The following KCNIP4 variants were observed in gnomAD, a reference collection of about 807,000 sequenced individuals.
KCNIP4 encodes the protein Kv channel-interacting protein 4.
Under a neutral mutation model 34.0 loss-of-function variants are expected in KCNIP4, and 12 were observed. The observed-to-expected ratio is 0.35, with a 90% CI of 0.23 to 0.57. KCNIP4 has a LOEUF of 0.57. KCNIP4 is among the 20% of genes least tolerant of loss of function. KCNIP4 has a pLI of 0.83. For synonymous variants in KCNIP4, 124 were observed against 102.2 expected (o/e 1.21, Z -1.29); for missense variants, 238 against 311.7 (o/e 0.76, Z 1.78).
intron 1 of KCNIP4, among the ~76,000 whole-genome samples, chr4:20,990,517 A>T (rs1039792853): frequency 1.3e-5 from 2 of 152,202 alleles, no homozygotes; most frequent in East Asian, 3.8e-4. Flanking sequence ...CTTCCATCCT[A>T]AGACACTTCC....
At chr4:21,517,137 CATAG>C (rs999145247) in intron 1 of KCNIP4, among the ~76,000 whole-genome samples, 2 of 152,078 alleles carry the variant, frequency 1.3e-5, no homozygotes, top group African/African-American at 4.8e-5. Flanking sequence ...AAAAGTCTAA[CATAG>C]ATAAAGGGGT....
intron 1 of KCNIP4, among the ~76,000 whole-genome samples, chr4:21,179,482 G>A (rs778352869): frequency 2.0e-5 from 3 of 152,148 alleles, no homozygotes; most frequent in Non-Finnish European, 4.4e-5. Context: ...AACAATATAG[G>A]TTAGCTAAAT....
Position 20,752,055 on chromosome 4 carries a change from G to GTTTTTTTTTT in KCNIP4, c.359-2333_359-2324dup, listed in dbSNP as rs33912651. Among the ~76,000 whole-genome samples, 8 of 121,666 alleles carry GTTTTTTTTTT rather than the reference G, an allele frequency of 6.6e-5. 1 individual carries two copies. In the East Asian group the frequency reaches 1.2e-3, roughly 18 times the overall value. 79.8% of individuals were successfully genotyped at this position (121,666 alleles called of 152,430 possible). ...ACAATATCAGTATGTACTTCATAGA[G>GTTTTTTTTTT]TTTTTTTTTTTTTTTTTTTTGAGAC... On this transcript the variant is annotated intron_variant, in intron 4 of 8. Transcript: ENST00000382152.
chr4:21,198,531 G>A (rs1487533279), intron 1 of KCNIP4, among the ~76,000 whole-genome samples: 1 of 152,126 alleles, frequency 6.6e-6, no homozygotes, highest in Non-Finnish European at 1.5e-5. Flanking sequence ...TATGAGACAG[G>A]CACTGTATTG....
intron 1 of KCNIP4, among the ~76,000 whole-genome samples, chr4:21,278,645 A>G (rs1441738965): frequency 6.6e-6 from 1 of 152,182 alleles, no homozygotes; most frequent in Non-Finnish European, 1.5e-5. Flanking sequence ...CATATACACC[A>G]TGAAATACTA....
At chr4:21,406,827 C>G (rs1724034123) in intron 1 of KCNIP4, among the ~76,000 whole-genome samples, 1 of 152,166 alleles carries the variant, frequency 6.6e-6, no homozygotes, top group African/African-American at 2.4e-5. Flanking sequence ...GAAATCTGAG[C>G]TTTCAGGCAA....
intron 1 of KCNIP4, among the ~76,000 whole-genome samples, chr4:21,947,677 A>T (rs181214007): frequency 1.8e-4 from 27 of 152,190 alleles, no homozygotes; most frequent in Non-Finnish European, 3.8e-4. Context: ...CTAAACCCAA[A>T]CTATGCTATA....
Position 21,482,312 on chromosome 4 carries a change from T to A in KCNIP4, c.61+466259A>T, listed in dbSNP as rs920683125. 3.9e-5 allele frequency among the ~76,000 whole-genome samples: 6 copies of A among 152,162 alleles called. No individual in the cohort carries two copies. The South Asian group carries it at 1.0e-3, about 26-fold the overall frequency. ...AATTGGAGCATTTAGCCCATTTACA[T>A]TTAAGGTTAATATTGTTATGTGTGA... is the stretch of plus-strand genomic sequence containing the variant. On this transcript the variant is annotated intron_variant, in intron 1 of 8. Coordinates refer to ENST00000382152, the MANE Select transcript of KCNIP4 (RefSeq NM_025221.6).
chr4:21,188,924 G>A (rs1755438966), intron 1 of KCNIP4, among the ~76,000 whole-genome samples: 2 of 152,202 alleles, frequency 1.3e-5, no homozygotes, highest in African/African-American at 2.4e-5. Context: ...AGTTTGGAAA[G>A]GCAGAACAGG....
intron 1 of KCNIP4, among the ~76,000 whole-genome samples, chr4:21,731,007 G>T (rs114246078): frequency 0.03 from 4,524 of 151,916 alleles, 204 homozygotes; most frequent in African/African-American, 0.1. Context: ...CCAGTTTCTT[G>T]GGAGGCTAAG....
At chr4:21,010,227 T>C (rs1738949701) in intron 1 of KCNIP4, among the ~76,000 whole-genome samples, 1 of 152,184 alleles carries the variant, frequency 6.6e-6, no homozygotes, top group East Asian at 1.9e-4. Context: ...CTTTGATTCG[T>C]TGTTATAGGA....
chr4:21,252,040 G>GA lies in KCNIP4; in HGVS notation c.62-369332dup, dbSNP rs751783350. On this transcript the variant is annotated intron_variant, in intron 1 of 8. Transcript: ENST00000382152. Reference sequence around the variant, plus strand: ...AATAATAATAAAAGAAATATAATGGGAAAAAAAACATAACTGAGATGTTTT... The same window carrying GA: ...AATAATAATAAAAGAAATATAATGGGAAAAAAAAACATAACTGAGATGTTTT... 1.0e-3 allele frequency among the ~76,000 whole-genome samples: 151 copies of GA among 148,316 alleles called. 1 individual carries two copies. The highest frequency in any genetic ancestry group is 1.1e-3 in the African/African-American group (46 of 40,520).
chr4:21,126,633 G>GAA lies in KCNIP4; in HGVS notation c.62-243926_62-243925dup, dbSNP rs796803101. 3.4e-3 allele frequency among the ~76,000 whole-genome samples: 401 copies of GAA among 117,794 alleles called. 1 individual carries two copies. Among genetic ancestry groups the GAA allele is most frequent in the Non-Finnish European group, 5.0e-3 (269 of 53,444 alleles). The allele number at this position is 117,794 out of a possible 152,430, so 77.3% of individuals were successfully genotyped here. A position where few individuals can be genotyped will look rare whatever the true frequency, so the allele number is the denominator to read the frequency against. On this transcript the variant is annotated intron_variant, in intron 1 of 8. Coordinates refer to ENST00000382152, the MANE Select transcript of KCNIP4 (RefSeq NM_025221.6). ...GAGAAATAGCAAAAAAAAAAAAAAA[G>GAA]AAAAGAAAAAAGGTTTTTGTCTCTT...
chr4:21,923,683 C>T (rs1454273243), intron 1 of KCNIP4, among the ~76,000 whole-genome samples: 1 of 152,144 alleles, frequency 6.6e-6, no homozygotes, highest in Non-Finnish European at 1.5e-5. Context: ...CGAAGTCTTC[C>T]CCTCCAGCCA....
At chr4:21,931,015 G>T (rs1007398265) in intron 1 of KCNIP4, among the ~76,000 whole-genome samples, 1 of 152,092 alleles carries the variant, frequency 6.6e-6, no homozygotes, top group African/African-American at 2.4e-5. Context: ...AGTCTCAATT[G>T]CTGAGAACCA....
At chr4:21,284,906 C>T (rs1433031073) in intron 1 of KCNIP4, among the ~76,000 whole-genome samples, 1 of 152,038 alleles carries the variant, frequency 6.6e-6, no homozygotes, top group Non-Finnish European at 1.5e-5. Flanking sequence ...GAGCAGACCC[C>T]AACAGCCTCT....
intron 1 of KCNIP4, among the ~76,000 whole-genome samples, chr4:21,178,798 T>C (rs958361051): frequency 6.6e-6 from 1 of 150,868 alleles, no homozygotes; most frequent in African/African-American, 2.4e-5. Context: ...TCTAGTTTTC[T>C]GTCTTCTAAC....
chr4:21,596,474 T>C (rs116292932), intron 1 of KCNIP4, among the ~76,000 whole-genome samples: 2,536 of 152,246 alleles, frequency 0.017, 80 homozygotes, highest in African/African-American at 0.057. Flanking sequence ...AATAAAGATA[T>C]TGTCTTTCTT....
chr4:21,096,351 C>A (rs1250477408), intron 1 of KCNIP4, among the ~76,000 whole-genome samples: 1 of 152,138 alleles, frequency 6.6e-6, no homozygotes, highest in Non-Finnish European at 1.5e-5. Flanking sequence ...ATTTTACTTG[C>A]AGATCTTATC....
Sources: allele counts gnomAD v4.1 joint callset (sites outside exome capture counted in the v4.1 genomes callset), GRCh38; gene constraint gnomAD v4.1.1; transcripts MANE v1.5; gene names NCBI Gene and HGNC (gene_info 2026-07-23, HGNC 2026-07-21).